Variants in TNRC6A observed in about 807,000 individuals in gnomAD.
TNRC6A encodes trinucleotide repeat containing adaptor 6A, also known as trinucleotide repeat-containing gene 6A protein.
In TNRC6A, 44 loss-of-function variants were observed where a neutral mutation model predicts 221.2. The observed-to-expected ratio is 0.20, with a 90% CI of 0.16 to 0.26. The LOEUF is 0.26. Among genes scored for constraint, TNRC6A ranks in the 10% least tolerant of loss-of-function variants. TNRC6A has a pLI of 1.00. For missense variants in TNRC6A, 2,199 were observed against 2,404.4 expected, an observed-to-expected ratio of 0.91 and a Z score of 1.79; for synonymous variants, 847 against 838.5, an observed-to-expected ratio of 1.01 and a Z score of -0.18.
chr16:24,690,952 C>T (rs751789673), intron 2 of TNRC6A, among the ~76,000 whole-genome samples: 21 of 151,946 alleles, frequency 1.4e-4, no homozygotes, highest in Admixed American at 2.0e-4. Context: ...GGACTACTGG[C>T]GCCCGCCACC....
chr16:24,682,254 T>A (rs2055546032), intron 2 of TNRC6A, among the ~76,000 whole-genome samples: 1 of 151,574 alleles, frequency 6.6e-6, no homozygotes, highest in South Asian at 2.1e-4. Context: ...AAAGGCAGGG[T>A]CTTGCTCTGT....
chr16:24,808,029 G>C (rs1397200182), intron 17 of TNRC6A, among the ~76,000 whole-genome samples: 1 of 152,206 alleles, frequency 6.6e-6, no homozygotes, highest in African/African-American at 2.4e-5. Flanking sequence ...AGGATTGTTA[G>C]TGATCTCTGC....
In TNRC6A at chr16:24,761,613, A is replaced by G. The variant is rs1288979842; in HGVS notation, c.163+3253A>G. On this transcript the variant is annotated intron_variant, in intron 4 of 24. Transcript: ENST00000395799. ...TCGCTCTGGAGTGTAGTGCACAATC[A>G]TAGCTCACTGCGGCCTTGAACTTTT... 4.6e-5 allele frequency among the ~76,000 whole-genome samples: 7 copies of G among 152,006 alleles called. No individual in the cohort carries two copies. The East Asian group carries it at 1.4e-3, about 29-fold the overall frequency.
chr16:24,772,132 G>A (rs1017952297), intron 4 of TNRC6A, among the ~76,000 whole-genome samples: 26 of 152,124 alleles, frequency 1.7e-4, no homozygotes, highest in Admixed American at 3.3e-4. Flanking sequence ...GTTTTACTGG[G>A]ATAGATTGTA....
chr16:24,619,876 T>G (rs1900573267), intron 1 of TNRC6A, among the ~76,000 whole-genome samples: 1 of 152,150 alleles, frequency 6.6e-6, no homozygotes, highest in South Asian at 2.1e-4. Context: ...GTGCCGTGGC[T>G]CACACCTGTA....
At chr16:24,754,374 G>A (rs1223977784) in intron 3 of TNRC6A, among the ~76,000 whole-genome samples, 1 of 152,028 alleles carries the variant, frequency 6.6e-6, no homozygotes, top group African/African-American at 2.4e-5. Flanking sequence ...TTGTATTTCA[G>A]CCCCAATACA....
chr16:24,678,628 C>T (rs1392339951), intron 2 of TNRC6A, among the ~76,000 whole-genome samples: 1 of 152,142 alleles, frequency 6.6e-6, no homozygotes, highest in Non-Finnish European at 1.5e-5. Context: ...TCACTTGAGC[C>T]TGGGAGGTCA....
intron 4 of TNRC6A, among the ~76,000 whole-genome samples, chr16:24,761,108 T>TCTGTGTTGTA (rs2057353948): frequency 6.6e-6 from 1 of 152,200 alleles, no homozygotes. Context: ...TTTTTCTCTT[T>TCTGTGTTGTA]CTGTGTTGTA....
At position 24,801,528 on chromosome 16, in the gene TNRC6A, ACT is replaced by A. The variant is rs746306864; in HGVS notation, c.3695-2644_3695-2643del. 9.0e-5 allele frequency among the ~76,000 whole-genome samples: 12 copies of A among 132,910 alleles called. 1 individual carries two copies. The highest frequency in any genetic ancestry group is 3.9e-3 in the Middle Eastern group (1 of 256). 87.2% of individuals were successfully genotyped at this position (132,910 alleles called of 152,430 possible). A position where few individuals can be genotyped will look rare whatever the true frequency, so the allele number is the denominator to read the frequency against. ...GTTTGTGGAAAAAATGTAACATGCT[ACT>A]CTCTTTTTTTTTTTTTTTTTTGAGT... On this transcript the variant is annotated intron_variant, in intron 11 of 24. Transcript: ENST00000395799.
chr16:24,769,607 T>C (rs904711742), intron 4 of TNRC6A, among the ~76,000 whole-genome samples: 5 of 152,140 alleles, frequency 3.3e-5, no homozygotes, highest in Admixed American at 3.3e-4. Flanking sequence ...GAGAACCTTC[T>C]CACATTAATG....
chr16:24,776,632 C>T, intron 4 of TNRC6A: 1 of 985,368 alleles, frequency 1.0e-6, no homozygotes, highest in Non-Finnish European at 1.2e-6. Flanking sequence ...TTGTAATGAT[C>T]CGATGATGAT....
At chr16:24,616,651 C>T (rs997610990) in intron 1 of TNRC6A, among the ~76,000 whole-genome samples, 1 of 152,060 alleles carries the variant, frequency 6.6e-6, no homozygotes, top group Non-Finnish European at 1.5e-5. Context: ...ATGTGTATGG[C>T]CAGATGCGGT....
chr16:24,781,435 A>T (rs895502845), intron 5 of TNRC6A, among the ~76,000 whole-genome samples: 3 of 152,160 alleles, frequency 2.0e-5, no homozygotes, highest in Non-Finnish European at 4.4e-5. Context: ...AATAGTCTGT[A>T]CTTGCAGTCT....
At chr16:24,660,922 T>C (rs2055020453) in intron 2 of TNRC6A, among the ~76,000 whole-genome samples, 1 of 151,876 alleles carries the variant, frequency 6.6e-6, no homozygotes, top group Non-Finnish European at 1.5e-5. Context: ...TTTGTATTTT[T>C]AGTAGAGACG....
At chr16:24,628,791 A>G (rs536821472) in intron 1 of TNRC6A, among the ~76,000 whole-genome samples, 4 of 151,970 alleles carry the variant, frequency 2.6e-5, no homozygotes, top group Admixed American at 1.3e-4. Flanking sequence ...CAGATTTTCA[A>G]TGTCGGTGCC....
At chr16:24,722,070 T>C (rs191379181) in intron 2 of TNRC6A, among the ~76,000 whole-genome samples, 2 of 152,284 alleles carry the variant, frequency 1.3e-5, no homozygotes, top group African/African-American at 2.4e-5. Flanking sequence ...GTGTTCTATA[T>C]AGTGATTGTG....
intron 2 of TNRC6A, among the ~76,000 whole-genome samples, chr16:24,668,637 G>A (rs2055225610): frequency 6.6e-6 from 1 of 152,156 alleles, no homozygotes; most frequent in Non-Finnish European, 1.5e-5. Flanking sequence ...CAGAGATGCA[G>A]TCTGCTCTAG....
At position 24,717,434 on chromosome 16, in the gene TNRC6A, G is replaced by GA. The variant is rs113573286; in HGVS notation, n.403-33287dup. Reference sequence around the variant, plus strand: ...AAGGAAAAGCTGGGCGCCATTATCAGAAAAAGTAGGGAAGCAACCAATGAT... The same window carrying GA: ...AAGGAAAAGCTGGGCGCCATTATCAGAAAAAAGTAGGGAAGCAACCAATGAT... On this transcript the variant is annotated intron_variant and non_coding_transcript_variant, in intron 2 of 2. Transcript: ENST00000566108. 1.0e-2 allele frequency among the ~76,000 whole-genome samples: 1,521 copies of GA among 152,248 alleles called. 15 individuals carry two copies. The highest frequency in any genetic ancestry group is 0.041 in the Middle Eastern group (12 of 294).
In TNRC6A at chr16:24,791,682, T is replaced by C. The variant is rs1567484094; in HGVS notation, c.3040T>C (p.Tyr1014His). 1 of 1,613,510 alleles carries C rather than the reference T, an allele frequency of 6.2e-7. No individual in the cohort carries two copies. Among genetic ancestry groups the C allele is most frequent in the Admixed American group, 1.7e-5 (1 of 59,912 alleles). ...TTCAGCTTGGGGAGATCCAAGCAAA[T>C]ACAACTACAAAAATGTGAACATGTG... Reference protein sequence around the residue: ...GTSAWGDPSKYNYKNVNMWNK... With the variant: ...GTSAWGDPSKHNYKNVNMWNK... The change falls in exon 6 of 25, where the codon TAC becomes CAC. Residue 1014 changes from tyrosine (Y) to histidine (H), a missense_variant. By Grantham distance (83) the Tyr-to-His change is moderately conservative (BLOSUM62 2). Around this residue, in one of 8 missense-constraint regions of TNRC6A, gnomAD observed 1,405 missense variants for 1,400.2 expected, o/e 1.00. Transcript: ENST00000395799.
Sources: gnomAD v4.1 joint callset for allele counts (sites outside exome capture counted in the v4.1 genomes callset) on GRCh38, gnomAD v4.1.1 for gene constraint, gnomAD v4.1.1 regional missense constraint, MANE v1.5 for transcripts, NCBI Gene and HGNC (gene_info 2026-07-23, HGNC 2026-07-21) for gene names.